Variants in KHDRBS2 observed in about 807,000 individuals in gnomAD.
The protein encoded by KHDRBS2 is KH RNA binding domain containing, signal transduction associated 2.
KHDRBS2 carries 26 observed loss-of-function variants against 44.3 expected under a neutral mutation model. That is an observed-to-expected ratio of 0.59 (90% CI 0.43 to 0.81). The LOEUF is 0.81. Ranked by LOEUF, KHDRBS2 falls within the 40% of genes least tolerant of loss-of-function variation. KHDRBS2 has a pLI of 0.00. For missense variants in KHDRBS2, 476 were observed against 433.1 expected (o/e 1.10, Z -0.88); for synonymous variants, 194 against 151.1 (o/e 1.28, Z -2.08).
At position 62,282,383 on chromosome 6, in the gene KHDRBS2, G is replaced by A. The variant is rs185290796; in HGVS notation, c.91+3475C>T. Among the ~76,000 whole-genome samples, 32 of 152,204 alleles carry A rather than the reference G, an allele frequency of 2.1e-4. 1 individual carries two copies. The highest frequency in any genetic ancestry group is 7.0e-4 in the African/African-American group (29 of 41,524). On this transcript the variant is annotated intron_variant, in intron 1 of 8. Coordinates refer to ENST00000281156, the MANE Select transcript of KHDRBS2 (RefSeq NM_152688.4). ...GGAATATTTGGCAATATTTGACATC[G>A]TCATATAATGAGTCAACCAAAATGG...
intron 4 of KHDRBS2, among the ~76,000 whole-genome samples, chr6:61,964,559 C>A (rs771646828): frequency 6.6e-6 from 1 of 151,980 alleles, no homozygotes; most frequent in Non-Finnish European, 1.5e-5. Flanking sequence ...TTGACTATTT[C>A]TAAAAAATAA....
At chr6:61,705,486 C>A (rs768119583) in intron 7 of KHDRBS2, among the ~76,000 whole-genome samples, 1 of 151,722 alleles carries the variant, frequency 6.6e-6, no homozygotes, top group African/African-American at 2.4e-5. Flanking sequence ...AGTATTAGCC[C>A]AAGACCAGAA....
intron 3 of KHDRBS2, among the ~76,000 whole-genome samples, chr6:62,039,255 A>ACAC (rs1554342051): frequency 1.4e-5 from 2 of 145,796 alleles, no homozygotes; most frequent in Non-Finnish European, 3.0e-5. Flanking sequence ...TACACAGGCA[A>ACAC]ACACACACAC....
chr6:62,016,392 C>G (rs1781209020), intron 3 of KHDRBS2, among the ~76,000 whole-genome samples: 1 of 151,260 alleles, frequency 6.6e-6, no homozygotes, highest in Non-Finnish European at 1.5e-5. Flanking sequence ...AATAAGTGTT[C>G]CGAAAATACT....
At chr6:62,044,463 G>A (rs1378268551) in intron 3 of KHDRBS2, among the ~76,000 whole-genome samples, 1 of 151,734 alleles carries the variant, frequency 6.6e-6, no homozygotes, top group African/African-American at 2.4e-5. Context: ...TACCACTGCA[G>A]TCCAGCCTGG....
At chr6:61,909,593 A>G (rs1294371368) in intron 4 of KHDRBS2, among the ~76,000 whole-genome samples, 1 of 152,140 alleles carries the variant, frequency 6.6e-6, no homozygotes, top group African/African-American at 2.4e-5. Flanking sequence ...TGCCTCTCTG[A>G]CAAGGCCCTC....
chr6:61,835,135 T>C (rs1209590845), intron 6 of KHDRBS2, among the ~76,000 whole-genome samples: 1 of 152,056 alleles, frequency 6.6e-6, no homozygotes, highest in Non-Finnish European at 1.5e-5. Flanking sequence ...TGGGGGTTTA[T>C]TATTCGAATT....
chr6:62,076,962 CAT>C (rs920873479), intron 2 of KHDRBS2, among the ~76,000 whole-genome samples: 5 of 151,884 alleles, frequency 3.3e-5, no homozygotes, highest in African/African-American at 7.3e-5. Context: ...GGGAGAATCA[CAT>C]GAGTCCAAGA....
chr6:62,029,755 ATCCATC>A (rs1334732512), intron 3 of KHDRBS2, among the ~76,000 whole-genome samples: 1 of 151,998 alleles, frequency 6.6e-6, no homozygotes, highest in African/African-American at 2.4e-5. Flanking sequence ...TTCATAATAA[ATCCATC>A]TCCAAGATTT....
At chr6:62,057,132 G>A (rs1388507218) in intron 2 of KHDRBS2, among the ~76,000 whole-genome samples, 1 of 150,448 alleles carries the variant, frequency 6.6e-6, no homozygotes, top group African/African-American at 2.4e-5. Context: ...AGTATTTTAA[G>A]TAAGCAACTT....
At chr6:61,597,771 T>C in the KHDRBS2 span, among the ~76,000 whole-genome samples, 1,075 of 28,458 alleles carry the variant, frequency 0.038, 95 homozygotes, top group Non-Finnish European at 0.051. Context: ...TATATATATA[T>C]ATACACCAAG....
At chr6:61,952,788 C>A (rs956842312) in intron 4 of KHDRBS2, among the ~76,000 whole-genome samples, 10 of 151,948 alleles carry the variant, frequency 6.6e-5, no homozygotes, top group African/African-American at 2.4e-4. Context: ...CTTGCAACTG[C>A]CATTAATAAA....
intron 7 of KHDRBS2, among the ~76,000 whole-genome samples, chr6:61,707,818 C>A (rs1294855302): frequency 6.6e-6 from 1 of 151,606 alleles, no homozygotes; most frequent in Non-Finnish European, 1.5e-5. Flanking sequence ...GTATAACAAA[C>A]AAGTATGATA....
chr6:62,210,541 G>A (rs888777423), intron 1 of KHDRBS2, among the ~76,000 whole-genome samples: 15 of 151,942 alleles, frequency 9.9e-5, no homozygotes. Context: ...ATGTTGGCCA[G>A]GCTGGTCTAG....
chr6:61,993,577 T>A (rs1206641781), intron 3 of KHDRBS2, among the ~76,000 whole-genome samples: 1 of 147,100 alleles, frequency 6.8e-6, no homozygotes, highest in Non-Finnish European at 1.5e-5. Flanking sequence ...CAACAGTAAT[T>A]AACATATCTG....
chr6:62,280,068 C>T (rs1195934251), intron 1 of KHDRBS2, among the ~76,000 whole-genome samples: 2 of 151,966 alleles, frequency 1.3e-5, no homozygotes, highest in Admixed American at 6.5e-5. Context: ...TAGAGGCGTT[C>T]GTTATGGGAA....
At chr6:61,718,346 T>C (rs998563571) in intron 7 of KHDRBS2, among the ~76,000 whole-genome samples, 23 of 152,138 alleles carry the variant, frequency 1.5e-4, no homozygotes, top group Non-Finnish European at 8.8e-5. Context: ...AAATATACAT[T>C]GTATTTAAAA....
the KHDRBS2 span, among the ~76,000 whole-genome samples, chr6:61,669,831 T>A: frequency 6.6e-6 from 1 of 151,120 alleles, no homozygotes; most frequent in Non-Finnish European, 1.5e-5. Context: ...AGTTCCATAG[T>A]ACATGATACA....
At chr6:61,730,387 C>T (rs1437363063) in intron 7 of KHDRBS2, among the ~76,000 whole-genome samples, 3 of 152,032 alleles carry the variant, frequency 2.0e-5, no homozygotes, top group South Asian at 4.2e-4. Context: ...ATATTAGGCT[C>T]GACATTCACA....
Sources: allele counts gnomAD v4.1 joint callset (sites outside exome capture counted in the v4.1 genomes callset), GRCh38; gene constraint gnomAD v4.1.1; transcripts MANE v1.5; gene names NCBI Gene and HGNC (gene_info 2026-07-23, HGNC 2026-07-21).